The following SHANK2 variants were observed in gnomAD, a reference collection of about 807,000 sequenced individuals.
The protein encoded by SHANK2 is SH3 and multiple ankyrin repeat domains protein 2.
Under a neutral mutation model 133.7 loss-of-function variants are expected in SHANK2, and 43 were observed. The observed-to-expected ratio is 0.32, with a 90% CI of 0.25 to 0.41. The LOEUF (loss-of-function observed/expected upper bound fraction) is 0.41, where lower values mean the gene tolerates loss of function less well. Ranked by LOEUF, SHANK2 falls within the 10% of genes least tolerant of loss-of-function variation. SHANK2 has a pLI of 1.00. For synonymous variants in SHANK2, 1,017 were observed against 952.8 expected, an observed-to-expected ratio of 1.07 and a Z score of -1.24; for missense variants, 1,994 against 2,235.8, an observed-to-expected ratio of 0.89 and a Z score of 2.18.
chr11:70,826,991 T>A (rs935698131), intron 11 of SHANK2, among the ~76,000 whole-genome samples: 117 of 152,242 alleles, frequency 7.7e-4, no homozygotes, highest in East Asian at 1.7e-3. Flanking sequence ...TCTATTTTTT[T>A]AAAAAAAAAT....
intron 1 of SHANK2, among the ~76,000 whole-genome samples, chr11:71,247,313 C>T (rs572893424): frequency 6.6e-6 from 1 of 152,002 alleles, no homozygotes; most frequent in Non-Finnish European, 1.5e-5. Flanking sequence ...ATATTTAAAC[C>T]TATAAAGAAA....
chr11:70,650,396 A>G (rs551807842), intron 17 of SHANK2, among the ~76,000 whole-genome samples: 2 of 152,332 alleles, frequency 1.3e-5, no homozygotes, highest in South Asian at 4.1e-4. Flanking sequence ...GGCTTTCTCC[A>G]GACTCCTGAG....
At chr11:70,643,862 G>A (rs918593990) in intron 17 of SHANK2, among the ~76,000 whole-genome samples, 2 of 151,768 alleles carry the variant, frequency 1.3e-5, no homozygotes, top group African/African-American at 2.4e-5. Context: ...AAACCATACC[G>A]TGTGCTGGCC....
intron 12 of SHANK2, among the ~76,000 whole-genome samples, chr11:70,808,125 GCCACTGAACT>G (rs1414558188): frequency 2.6e-5 from 4 of 152,144 alleles, no homozygotes; most frequent in African/African-American, 7.2e-5. Context: ...TCCACTGAAC[GCCACTGAACT>G]GTGCACTTCA....
intron 2 of SHANK2, among the ~76,000 whole-genome samples, chr11:71,220,615 C>T (rs1555120914): frequency 6.6e-6 from 1 of 152,106 alleles, no homozygotes; most frequent in African/African-American, 2.4e-5. Flanking sequence ...AAATGAAGTT[C>T]CAATACATGC....
intron 11 of SHANK2, among the ~76,000 whole-genome samples, chr11:70,888,377 C>T (rs1284681110): frequency 6.6e-6 from 1 of 152,200 alleles, no homozygotes; most frequent in African/African-American, 2.4e-5. Flanking sequence ...CTGAGCTCGG[C>T]TGCTCCTGGA....
Position 71,147,165 on chromosome 11 carries a change from G to A in SHANK2, c.162C>T (p.Gly54=). 1 of 1,550,406 alleles carries A rather than the reference G, an allele frequency of 6.4e-7. No homozygotes were observed. The highest frequency in any genetic ancestry group is 8.7e-7 in the Non-Finnish European group (1 of 1,146,934). The part of the protein sequence containing the change: ...PGGARTEESQ[G]NTLVIRVVIH... ...TGACCACGCGGATCACCAGCGTGTT[G>A]CCCTGGCTCTCCTCCGTCCTGGCAC... is the stretch of plus-strand genomic sequence containing the variant. The change falls in exon 3 of 26, where the codon GGC becomes GGT. Residue 54 remains glycine, a synonymous_variant. Transcript: ENST00000601538.
At chr11:71,207,631 G>A (rs968996865) in intron 2 of SHANK2, among the ~76,000 whole-genome samples, 5 of 152,176 alleles carry the variant, frequency 3.3e-5, no homozygotes, top group Non-Finnish European at 5.9e-5. Context: ...TATTTTCAGT[G>A]CTTTGCTGAG....
intron 17 of SHANK2, among the ~76,000 whole-genome samples, chr11:70,522,592 C>G (rs10899117): frequency 0.97 from 147,962 of 152,322 alleles, 72,015 homozygotes; most frequent in East Asian, 1. Context: ...CTACCCAGGG[C>G]CTCCGAGTCC....
In SHANK2 at chr11:70,676,511, G is replaced by A. The variant is rs563519017; in HGVS notation, c.1854-14833C>T. 1.1e-3 allele frequency among the ~76,000 whole-genome samples: 171 copies of A among 152,378 alleles called. 1 individual carries two copies. The highest frequency in any genetic ancestry group is 3.8e-3 in the African/African-American group (156 of 41,590). ...TGCCACCATGAGGGAGAGGCCAAGAGGCCTTCAGAGATGTCACTGCCCGTG... is the reference window on the plus strand; with the variant it reads ...TGCCACCATGAGGGAGAGGCCAAGAAGCCTTCAGAGATGTCACTGCCCGTG... On this transcript the variant is annotated intron_variant, in intron 15 of 25. Transcript: ENST00000601538.
intron 8 of SHANK2, among the ~76,000 whole-genome samples, chr11:71,079,914 A>G (rs1284642493): frequency 3.5e-4 from 16 of 46,142 alleles, no homozygotes; most frequent in South Asian, 2.6e-3. Flanking sequence ...GGGGAGGGGA[A>G]GGAAGGGGAG....
intron 15 of SHANK2, chr11:70,668,126 T>C (rs1944714949): frequency 6.6e-6 from 1 of 152,112 alleles, no homozygotes; most frequent in South Asian, 2.1e-4. Context: ...GTGTGGTCAG[T>C]TGAATGGTGA....
At chr11:71,229,904 C>G (rs1324277168) in intron 1 of SHANK2, among the ~76,000 whole-genome samples, 5 of 152,096 alleles carry the variant, frequency 3.3e-5, no homozygotes, top group African/African-American at 1.2e-4. Context: ...GAGACATACC[C>G]TGTTCATGGA....
chr11:70,953,924 G>A (rs782691949), intron 10 of SHANK2, among the ~76,000 whole-genome samples: 3 of 152,146 alleles, frequency 2.0e-5, no homozygotes, highest in African/African-American at 4.8e-5. Flanking sequence ...GCCAGCTCCC[G>A]CCTGTGGACT....
At chr11:70,662,422 G>A (rs1479172040) in intron 15 of SHANK2, among the ~76,000 whole-genome samples, 6 of 152,342 alleles carry the variant, frequency 3.9e-5, no homozygotes, top group Admixed American at 3.3e-4. Context: ...GAGAGGGCGG[G>A]GAGGGGGAGC....
At chr11:70,940,309 C>T (rs552207178) in intron 10 of SHANK2, among the ~76,000 whole-genome samples, 9 of 133,690 alleles carry the variant, frequency 6.7e-5, no homozygotes, top group East Asian at 2.4e-4. Flanking sequence ...TGCAGTGGCG[C>T]GATCTCGGCT....
chr11:70,473,096 T>C lies in SHANK2; in HGVS notation c.5323A>G (p.Asn1775Asp), dbSNP rs149493100. 2.4e-5 allele frequency: 39 copies of C among 1,614,112 alleles called. No homozygotes were observed. The highest frequency in any genetic ancestry group is 3.3e-5 in the Non-Finnish European group (39 of 1,180,050). ...SPSILQQPIS[N>D]KPFTTKPVHL... ...ACAGGTTTAGTTGTAAAAGGCTTAT[T>C]TGAGATTGGCTGTTGCAGTATCGAG... Residue 1775 changes from asparagine to aspartate, a missense_variant, in exon 26 of 26, where the codon AAT becomes GAT. This residue lies in a region of SHANK2 where 797 missense variants were observed against 907.4 expected (regional missense o/e 0.88). Transcript: ENST00000601538. The surrounding 1 kb of genome is among the most constrained non-coding windows in gnomAD (Gnocchi z 5.9).
Position 70,833,110 on chromosome 11 carries a change from A to G in SHANK2, c.1175-12428T>C, listed in dbSNP as rs560303823. ...CTGCTGTGGTTTCGAGTTCGAGCCC[A>G]TCAGACACATGGGCCAGGAAGGCAC... On this transcript the variant is annotated intron_variant, in intron 11 of 25. Transcript: ENST00000601538. 2.6e-5 allele frequency among the ~76,000 whole-genome samples: 4 copies of G among 152,362 alleles called. No homozygotes were observed. The South Asian group carries it at 6.2e-4, about 24-fold the overall frequency.
chr11:70,680,753 G>A (rs1397566008), intron 15 of SHANK2, among the ~76,000 whole-genome samples: 2 of 152,302 alleles, frequency 1.3e-5, no homozygotes, highest in African/African-American at 4.8e-5. Flanking sequence ...TCCCTGGTGA[G>A]GCTCAAGGTG....
Sources: gnomAD v4.1 joint callset for allele counts (sites outside exome capture counted in the v4.1 genomes callset) on GRCh38, gnomAD v4.1.1 for gene constraint, gnomAD v4.1.1 regional missense constraint, Gnocchi (gnomAD v3.1) non-coding constraint, MANE v1.5 for transcripts, NCBI Gene and HGNC (gene_info 2026-07-23, HGNC 2026-07-21) for gene names.